The following ERICH3 variants were observed in gnomAD, a reference collection of about 807,000 sequenced individuals.
The protein encoded by ERICH3 is glutamate rich 3, also known as glutamate-rich protein 3.
In ERICH3, 126 loss-of-function variants were observed where a neutral mutation model predicts 131.1. The observed-to-expected ratio is 0.96, with a 90% CI of 0.83 to 1.11. The LOEUF (loss-of-function observed/expected upper bound fraction) is 1.11, where lower values mean the gene tolerates loss of function less well. ERICH3 is among the 50% of genes most tolerant of loss of function. ERICH3 has a pLI of 0.00. For missense variants in ERICH3, 2,050 were observed against 1,810.7 expected, an observed-to-expected ratio of 1.13 and a Z score of -2.40; for synonymous variants, 695 against 644.6, an observed-to-expected ratio of 1.08 and a Z score of -1.18.
Position 74,580,037 on chromosome 1 carries a change from T to C in ERICH3, c.2177-3101A>G, listed in dbSNP as rs188841761. 3.1e-3 allele frequency: 1,159 copies of C among 375,452 alleles called. 6 individuals carry two copies. Among genetic ancestry groups the C allele is most frequent in the Non-Finnish European group, 3.6e-3 (978 of 272,692 alleles). The allele number at this position is 375,452 out of a possible 1,614,324, so 23.3% of individuals were successfully genotyped here. A position where few individuals can be genotyped will look rare whatever the true frequency, so the allele number is the denominator to read the frequency against. ...CAAATATATTTTAAATAATATGTAT[T>C]GTATTTTCCCTAAATATGGAGACAG... On this transcript the variant is annotated intron_variant, in intron 12 of 14. Coordinates refer to ENST00000326665, the MANE Select transcript of ERICH3 (RefSeq NM_001002912.5).
chr1:74,587,522 G>GA (rs912501934), intron 12 of ERICH3, among the ~76,000 whole-genome samples: 11 of 150,190 alleles, frequency 7.3e-5, no homozygotes, highest in African/African-American at 2.0e-4. Context: ...CAAACCCAGA[G>GA]AAAAAAAAAC....
chr1:74,583,214 T>G (rs1647209863), intron 12 of ERICH3, among the ~76,000 whole-genome samples: 1 of 152,144 alleles, frequency 6.6e-6, no homozygotes, highest in Non-Finnish European at 1.5e-5. Context: ...CTTGGGGGCT[T>G]CAGGGGTTTT....
At chr1:74,586,906 ATC>A (rs1300401066) in intron 12 of ERICH3, among the ~76,000 whole-genome samples, 4 of 152,176 alleles carry the variant, frequency 2.6e-5, no homozygotes, top group African/African-American at 4.8e-5. Flanking sequence ...GTTAAAAGTG[ATC>A]TTTTTGTGTG....
chr1:74,579,781 C>A, intron 12 of ERICH3: 1 of 985,342 alleles, frequency 1.0e-6, no homozygotes, highest in Non-Finnish European at 1.2e-6. Context: ...GTATTTAGCC[C>A]TTCATCCCCT....
At chr1:74,628,072 C>A (rs1038898245) in intron 7 of ERICH3, among the ~76,000 whole-genome samples, 5 of 152,150 alleles carry the variant, frequency 3.3e-5, no homozygotes, top group Non-Finnish European at 7.4e-5. Context: ...AATTTCATAG[C>A]CACCTTCTGT....
chr1:74,616,948 G>A (rs1452140526), intron 8 of ERICH3, among the ~76,000 whole-genome samples: 1 of 152,056 alleles, frequency 6.6e-6, no homozygotes, highest in African/African-American at 2.4e-5. Context: ...TTTTGGCCTG[G>A]AAACCCACAA....
chr1:74,654,093 C>T (rs1204504489), intron 1 of ERICH3, among the ~76,000 whole-genome samples: 1 of 152,128 alleles, frequency 6.6e-6, no homozygotes, highest in Non-Finnish European at 1.5e-5. Context: ...ATGACCTTTA[C>T]CATCTGTATT....
intron 1 of ERICH3, among the ~76,000 whole-genome samples, chr1:74,667,131 C>T (rs1472639762): frequency 3.3e-5 from 5 of 151,980 alleles, no homozygotes; most frequent in Non-Finnish European, 7.4e-5. Context: ...TATATCTGTT[C>T]ACTATTTTTT....
chr1:74,574,129 C>A (rs960150432), intron 13 of ERICH3, among the ~76,000 whole-genome samples: 2 of 151,454 alleles, frequency 1.3e-5, no homozygotes, highest in Non-Finnish European at 2.9e-5. Context: ...TAGCTGGGAC[C>A]ATAGATGCAT....
rs1419094274 is a variant in ERICH3, at chr1:74,606,513, G to A, written c.1489+88C>T. The A allele has an allele frequency of 1.6e-5, 21 of 1,338,930 alleles. No homozygotes were observed. The Admixed American group carries it at 2.2e-4, about 14-fold the overall frequency. The allele number at this position is 1,338,930 out of a possible 1,614,324, so 82.9% of individuals were successfully genotyped here. ...GTAACACAGCTGGGTAACATTTAAT[G>A]GGTATTTTTGAAAATTTTGATCATC... On this transcript the variant is annotated intron_variant, in intron 10 of 14. Transcript: ENST00000326665.
intron 3 of ERICH3, 25 bp downstream of exon 3, chr1:74,646,642 A>C: frequency 8.6e-7 from 1 of 1,161,322 alleles, no homozygotes; most frequent in Non-Finnish European, 1.2e-6. Flanking sequence ...ATAAAATAAA[A>C]TAAAAAATAA....
rs1230689529 is a variant in ERICH3, at chr1:74,571,283, A to C, written c.4427T>G (p.Leu1476Ter). ...QETGAAEKFR[L>*]GLSREGEREL... ...CCTCTCTCCCTCCCGTGATAATCCT[A>C]ATCGGAATTTTTCAGCTGCTCCTGT... Residue 1476 changes from leucine (L) to a stop codon, truncating the protein, a stop_gained, in exon 14 of 15, where the codon TTA becomes TGA. Coordinates refer to ENST00000326665, the MANE Select transcript of ERICH3 (RefSeq NM_001002912.5). LOFTEE classifies it high-confidence loss of function. 2.5e-6 allele frequency: 4 copies of C among 1,613,492 alleles called. No individual in the cohort carries two copies. The highest frequency in any genetic ancestry group is 3.4e-6 in the Non-Finnish European group (4 of 1,179,884).
chr1:74,657,136 G>A (rs1367852707), intron 1 of ERICH3, among the ~76,000 whole-genome samples: 1 of 152,136 alleles, frequency 6.6e-6, no homozygotes, highest in African/African-American at 2.4e-5. Flanking sequence ...AGTAGTCTAT[G>A]GCAGAAGCAT....
At chr1:74,589,432 A>G in intron 12 of ERICH3, 199 bp downstream of exon 12, 2 of 609,256 alleles carry the variant, frequency 3.3e-6, no homozygotes, top group Non-Finnish European at 2.9e-6. Context: ...TTATCGAGTA[A>G]TTTTTTAAGT....
intron 8 of ERICH3, among the ~76,000 whole-genome samples, chr1:74,614,569 C>A (rs1223310673): frequency 6.7e-6 from 1 of 149,520 alleles, no homozygotes; most frequent in Non-Finnish European, 1.5e-5. Context: ...CCCAGCTACT[C>A]GGGAGGCTGA....
At chr1:74,664,196 G>C (rs563243315) in intron 1 of ERICH3, among the ~76,000 whole-genome samples, 2 of 151,718 alleles carry the variant, frequency 1.3e-5, no homozygotes, top group African/African-American at 4.8e-5. Context: ...AATAAAAATG[G>C]AAACTATAAT....
intron 11 of ERICH3, 102 bp from the exon 12 acceptor site, chr1:74,590,182 A>T: frequency 2.1e-6 from 2 of 968,236 alleles, no homozygotes; most frequent in Non-Finnish European, 3.0e-6. Flanking sequence ...ATTTTAAAAC[A>T]TAGTTTAATA....
At chr1:74,582,069 G>T (rs1265863820) in intron 12 of ERICH3, among the ~76,000 whole-genome samples, 1 of 152,086 alleles carries the variant, frequency 6.6e-6, no homozygotes, top group African/African-American at 2.4e-5. Flanking sequence ...GAATTCAGGG[G>T]AGAAGACTCT....
At chr1:74,593,935 C>G (rs1486973984) in intron 11 of ERICH3, among the ~76,000 whole-genome samples, 1 of 152,118 alleles carries the variant, frequency 6.6e-6, no homozygotes, top group Non-Finnish European at 1.5e-5. Context: ...CCCACCATTG[C>G]TCCTCTTAGC....
Sources: allele counts gnomAD v4.1 joint callset (sites outside exome capture counted in the v4.1 genomes callset), GRCh38; gene constraint gnomAD v4.1.1; transcripts MANE v1.5; gene names NCBI Gene and HGNC (gene_info 2026-07-23, HGNC 2026-07-21).